The following TMEM178B variants were observed in gnomAD, a reference collection of about 807,000 sequenced individuals.
The protein encoded by TMEM178B is transmembrane protein 178B.
TMEM178B carries 5 observed loss-of-function variants against 31.0 expected under a neutral mutation model. The observed-to-expected ratio is 0.16, with a 90% CI of 0.08 to 0.34. The LOEUF is 0.34. Ranked by LOEUF, TMEM178B falls within the 10% of genes least tolerant of loss-of-function variation. The pLI is 1.00. For synonymous variants in TMEM178B, 164 were observed against 164.0 expected, an observed-to-expected ratio of 1.00 and a Z score of 0.00; for missense variants, 275 against 400.3, an observed-to-expected ratio of 0.69 and a Z score of 2.67.
chr7:141,196,802 G>T (rs1246302788), intron 1 of TMEM178B, among the ~76,000 whole-genome samples: 5 of 152,124 alleles, frequency 3.3e-5, no homozygotes, highest in African/African-American at 1.2e-4. Flanking sequence ...TGGTGTAATT[G>T]GTCTTCAAGG....
chr7:141,367,610 G>A (rs1203424881), intron 2 of TMEM178B, among the ~76,000 whole-genome samples: 1 of 152,116 alleles, frequency 6.6e-6, no homozygotes. Context: ...GCATGATGCT[G>A]GGTCCTGGGA....
intron 1 of TMEM178B, among the ~76,000 whole-genome samples, chr7:141,124,516 G>A (rs1183837575): frequency 1.3e-5 from 2 of 152,118 alleles, no homozygotes; most frequent in African/African-American, 2.4e-5. Context: ...GGCAAGCATG[G>A]TTGCCTCGAC....
At chr7:141,138,517 G>A (rs918116187) in intron 1 of TMEM178B, among the ~76,000 whole-genome samples, 3 of 152,084 alleles carry the variant, frequency 2.0e-5, no homozygotes, top group African/African-American at 7.2e-5. Flanking sequence ...GCCTTCTGAG[G>A]GTGGGGGTGG....
intron 2 of TMEM178B, chr7:141,414,917 A>G (rs779200870): frequency 6.6e-6 from 1 of 152,226 alleles, no homozygotes; most frequent in Non-Finnish European, 1.5e-5. Context: ...TTTCCATGTC[A>G]TTAGAAGATA....
chr7:141,301,763 G>A (rs1029312574), intron 2 of TMEM178B, among the ~76,000 whole-genome samples: 2 of 152,198 alleles, frequency 1.3e-5, no homozygotes, highest in African/African-American at 4.8e-5. Flanking sequence ...TCCAAATCCA[G>A]CAGCCACCAA....
chr7:141,277,670 A>G (rs1360840243), intron 2 of TMEM178B, among the ~76,000 whole-genome samples: 2 of 152,156 alleles, frequency 1.3e-5, no homozygotes, highest in African/African-American at 2.4e-5. Flanking sequence ...ACTGTCATAT[A>G]CGTGGCTCAC....
chr7:141,439,595 A>G (rs1801619585), intron 3 of TMEM178B, among the ~76,000 whole-genome samples: 1 of 152,210 alleles, frequency 6.6e-6, no homozygotes, highest in African/African-American at 2.4e-5. Flanking sequence ...TAAAAAGATA[A>G]AAGTGGAGCA....
intron 2 of TMEM178B, among the ~76,000 whole-genome samples, chr7:141,390,543 G>A (rs145148798): frequency 9.2e-5 from 14 of 152,346 alleles, no homozygotes; most frequent in Non-Finnish European, 1.5e-4. Context: ...GGGCCGCCTG[G>A]TATCCCAGTG....
intron 2 of TMEM178B, among the ~76,000 whole-genome samples, chr7:141,426,474 C>T (rs1801317734): frequency 6.6e-6 from 1 of 152,056 alleles, no homozygotes; most frequent in South Asian, 2.1e-4. Flanking sequence ...TGGAAGTTTC[C>T]CAGAGACATT....
At chr7:141,433,494 C>T (rs533231615) in intron 2 of TMEM178B, among the ~76,000 whole-genome samples, 1 of 152,180 alleles carries the variant, frequency 6.6e-6, no homozygotes, top group Non-Finnish European at 1.5e-5. Context: ...TTTCTATTTT[C>T]CCCATCCTTG....
At chr7:141,488,444 C>G in the TMEM178B span, among the ~76,000 whole-genome samples, 13 of 149,322 alleles carry the variant, frequency 8.7e-5, no homozygotes, top group African/African-American at 3.2e-4. Context: ...TTTTTTTTTT[C>G]TTTTTTTCTT....
intron 1 of TMEM178B, among the ~76,000 whole-genome samples, chr7:141,161,983 C>T (rs1343068116): frequency 6.6e-6 from 1 of 152,030 alleles, no homozygotes; most frequent in Non-Finnish European, 1.5e-5. Context: ...TCTGTGTGCA[C>T]TTGCAGGCAG....
intron 2 of TMEM178B, among the ~76,000 whole-genome samples, chr7:141,381,930 C>T (rs189262278): frequency 3.3e-5 from 5 of 152,350 alleles, no homozygotes; most frequent in Non-Finnish European, 5.9e-5. Context: ...ACCCTACTCT[C>T]TGAGCTCCAG....
chr7:141,396,048 C>T (rs1213421992), intron 2 of TMEM178B, among the ~76,000 whole-genome samples: 1 of 152,130 alleles, frequency 6.6e-6, no homozygotes, highest in Non-Finnish European at 1.5e-5. Flanking sequence ...CCCAGCTCTG[C>T]ATCTGGCCAT....
intron 2 of TMEM178B, among the ~76,000 whole-genome samples, chr7:141,275,838 G>T (rs764124971): frequency 5.9e-5 from 9 of 152,164 alleles, no homozygotes. Context: ...AAGGCCATTG[G>T]CTGGAGCCTG....
chr7:141,413,763 G>A (rs1801046463), intron 2 of TMEM178B, among the ~76,000 whole-genome samples: 1 of 152,148 alleles, frequency 6.6e-6, no homozygotes, highest in African/African-American at 2.4e-5. Flanking sequence ...TAAGCTCAAG[G>A]ACATTTGTTT....
chr7:141,506,547 G>A, the TMEM178B span, among the ~76,000 whole-genome samples: 6 of 152,220 alleles, frequency 3.9e-5, no homozygotes, highest in South Asian at 2.1e-4. Context: ...AAGACCGGCC[G>A]CCATGATTTA....
intron 2 of TMEM178B, among the ~76,000 whole-genome samples, chr7:141,315,799 G>A (rs964249048): frequency 6.6e-6 from 1 of 152,154 alleles, no homozygotes. Flanking sequence ...TGAAGTTTAA[G>A]GTTATCTGGG....
At chr7:141,199,848 G>A (rs556662559) in intron 1 of TMEM178B, among the ~76,000 whole-genome samples, 47 of 152,240 alleles carry the variant, frequency 3.1e-4, no homozygotes, top group African/African-American at 1.1e-3. Context: ...TCAGGAGATC[G>A]AGACCATCCT....
Sources: gnomAD v4.1 joint callset for allele counts (sites outside exome capture counted in the v4.1 genomes callset) on GRCh38, gnomAD v4.1.1 for gene constraint, MANE v1.5 for transcripts, NCBI Gene and HGNC (gene_info 2026-07-23, HGNC 2026-07-21) for gene names.